The following NUP188 variants were observed in gnomAD, a reference collection of about 807,000 sequenced individuals.
NUP188 encodes the protein nucleoporin 188.
NUP188 carries 97 observed loss-of-function variants against 223.0 expected under a neutral mutation model. That is an observed-to-expected ratio of 0.43 (90% confidence interval 0.37 to 0.51). NUP188 has a LOEUF of 0.51. NUP188 is among the 20% of genes least tolerant of loss of function. The pLI is 0.00. For missense variants in NUP188, 1,947 were observed against 2,175.6 expected, an observed-to-expected ratio of 0.89 and a Z score of 2.09; for synonymous variants, 869 against 828.0, an observed-to-expected ratio of 1.05 and a Z score of -0.85.
chr9:128,959,297 A>T (rs1299008568), intron 8 of NUP188, among the ~76,000 whole-genome samples, 163 bp downstream of exon 8: 1 of 151,968 alleles, frequency 6.6e-6, no homozygotes, highest in African/African-American at 2.4e-5. Context: ...ACCCGTCGTC[A>T]CGCCCAGCCA....
intron 36 of NUP188, 120 bp downstream of exon 36, chr9:129,002,096 G>C: frequency 1.3e-6 from 1 of 760,308 alleles, no homozygotes; most frequent in Non-Finnish European, 2.2e-6. Flanking sequence ...ATACACTGAT[G>C]GTGAGGAATC....
At chr9:128,999,971 C>T (rs1842612045) in intron 34 of NUP188, among the ~76,000 whole-genome samples, 166 bp downstream of exon 34, 1 of 152,206 alleles carries the variant, frequency 6.6e-6, no homozygotes, top group South Asian at 2.1e-4. Flanking sequence ...GCAGAAGCAG[C>T]CCATTGTACT....
Position 128,970,772 on chromosome 9 carries a change from A to T in NUP188, c.927A>T (p.Leu309Phe), listed in dbSNP as rs1842094211. The change falls in exon 11 of 44, where the codon TTA (leucine) becomes TTT (phenylalanine). Residue 309 changes from leucine (L) to phenylalanine (F), a missense_variant. By Grantham distance (22) the Leu-to-Phe change is conservative (BLOSUM62 0). Around this residue, in one of 3 missense-constraint regions of NUP188, gnomAD observed 817 missense variants for 865.8 expected, o/e 0.94. Coordinates refer to ENST00000372577, the MANE Select transcript of NUP188 (RefSeq NM_015354.3). ...TCTCTCACTAGGATATGGACTGTTT[A>T]ATGTTGACCTTTGGGGACATTCCAC... ...DGLICQDMDC[L>F]MLTFGDIPHH... The T allele has an allele frequency of 6.2e-7, 1 of 1,614,094 alleles. No homozygotes were observed. Among genetic ancestry groups the T allele is most frequent in the Non-Finnish European group, 8.5e-7 (1 of 1,179,974 alleles).
intron 12 of NUP188, among the ~76,000 whole-genome samples, chr9:128,974,397 T>G (rs1040560628): frequency 1.0e-4 from 15 of 149,800 alleles, no homozygotes; most frequent in African/African-American, 1.7e-4. Flanking sequence ...TTGTTTTTTT[T>G]TTTTTTTTTT....
chr9:128,947,929 T>G (rs1841711711), intron 1 of NUP188, 178 bp downstream of exon 1: 2 of 452,234 alleles, frequency 4.4e-6, no homozygotes, highest in East Asian at 3.5e-5. Flanking sequence ...CGCGGGGATC[T>G]GAAGAGTCTT....
chr9:128,956,182 G>GGTGTGTGTGT (rs60109270), intron 3 of NUP188, among the ~76,000 whole-genome samples, 168 bp from the exon 4 acceptor site: 11 of 134,728 alleles, frequency 8.2e-5, no homozygotes, highest in African/African-American at 2.6e-4. Flanking sequence ...GAGGTGAATG[G>GGTGTGTGTGT]GTGTGTGTGT....
At chr9:129,001,408 A>G in intron 34 of NUP188, 121 bp from the exon 35 acceptor site, 1 of 800,750 alleles carries the variant, frequency 1.2e-6, no homozygotes, top group South Asian at 1.5e-5. Flanking sequence ...TGTGTTACTC[A>G]AGCTCACTTA....
chr9:128,947,979 G>C, intron 1 of NUP188: 1 of 391,676 alleles, frequency 2.6e-6, no homozygotes, highest in Non-Finnish European at 4.5e-6. Context: ...TTCCCTCCGC[G>C]CTCGGCCTCC....
At chr9:128,996,039 A>T (rs1842519216) in intron 30 of NUP188, among the ~76,000 whole-genome samples, 1 of 152,124 alleles carries the variant, frequency 6.6e-6, no homozygotes, top group South Asian at 2.1e-4. Flanking sequence ...AGAGAGAGAG[A>T]TAACATCTGG....
chr9:128,984,836 T>C lies in NUP188; in HGVS notation c.1962-64T>C, dbSNP rs1268770984. 24 of 1,069,634 alleles carry C rather than the reference T, an allele frequency of 2.2e-5. No individual in the cohort carries two copies. The Admixed American group carries it at 3.2e-4, about 14-fold the overall frequency. 66.3% of individuals were successfully genotyped at this position (1,069,634 alleles called of 1,614,324 possible). A position where few individuals can be genotyped will look rare whatever the true frequency, so the allele number is the denominator to read the frequency against. Reference sequence around the variant, plus strand: ...TCTAGACTATAACAAGAATGCTCTATGATTAGTTTCTTGAAACCTTGAAAT... The same window carrying C: ...TCTAGACTATAACAAGAATGCTCTACGATTAGTTTCTTGAAACCTTGAAAT... On this transcript the variant is annotated intron_variant, in intron 19 of 43. Transcript: ENST00000372577.
chr9:128,970,069 A>AG (rs1315824322), intron 10 of NUP188, among the ~76,000 whole-genome samples: 1 of 152,208 alleles, frequency 6.6e-6, no homozygotes, highest in East Asian at 1.9e-4. Flanking sequence ...CTGGGATTAC[A>AG]GGCACATGCC....
chr9:129,000,110 A>T (rs989975915), intron 34 of NUP188, among the ~76,000 whole-genome samples: 1 of 152,168 alleles, frequency 6.6e-6, no homozygotes, highest in South Asian at 2.1e-4. Flanking sequence ...ATAGGAAATG[A>T]TGTAAGGCTT....
intron 34 of NUP188, 58 bp downstream of exon 34, chr9:128,999,863 T>C: frequency 6.6e-7 from 1 of 1,518,122 alleles, no homozygotes; most frequent in Admixed American, 1.7e-5. Flanking sequence ...GCTCTGTGCC[T>C]GACTCTGGGG....
rs1273491259 is a variant in NUP188 at position 129,006,663 on chromosome 9, G to A, written c.5235G>A (p.Arg1745=). The change falls in exon 44 of 44, where the codon CGG becomes CGA. Residue 1745 remains arginine (R), a synonymous_variant. Coordinates refer to ENST00000372577, the MANE Select transcript of NUP188 (RefSeq NM_015354.3). ...TCCAGTTGGTGCAGGCGTTTGTCCG[G>A]CATATGCAAAGATAGGGCAGTGCTG... The part of the protein sequence containing the change: ...PLIQLVQAFV[R]HMQR The A allele has an allele frequency of 1.8e-5, 29 of 1,613,220 alleles. No individual in the cohort carries two copies. Among genetic ancestry groups the A allele is most frequent in the Non-Finnish European group, 2.4e-5 (28 of 1,179,880 alleles).
chr9:128,958,085 A>T lies in NUP188; in HGVS notation c.372+31A>T, dbSNP rs747510580. On this transcript the variant is annotated intron_variant, in intron 6 of 43. Transcript: ENST00000372577. ...TAGTAGTCACCATTTCTATTCTTTG[A>T]TGTAAAATTGAGTGACAGCTTCTTG... 92 of 1,583,336 alleles carry T rather than the reference A, an allele frequency of 5.8e-5. No homozygotes were observed. In the South Asian group the frequency reaches 7.1e-4, roughly 12 times the overall value.
chr9:128,999,375 C>T, intron 33 of NUP188, 58 bp downstream of exon 33: 1 of 1,590,382 alleles, frequency 6.3e-7, no homozygotes, highest in South Asian at 1.1e-5. Flanking sequence ...TGCTGACAGC[C>T]AGGCAGGGCT....
Position 128,999,608 on chromosome 9 carries a change from C to G in NUP188, c.3662-16C>G. On this transcript the variant is annotated splice_polypyrimidine_tract_variant and intron_variant, in intron 33 of 43. Transcript: ENST00000372577. ...CCTGGTGAGCATGACAGTGTCCCTCCCTGTCTATTCTACAGTAAGTGACAT... is the reference window on the plus strand; with the variant it reads ...CCTGGTGAGCATGACAGTGTCCCTCGCTGTCTATTCTACAGTAAGTGACAT... 4 of 1,607,740 alleles carry G rather than the reference C, an allele frequency of 2.5e-6. No individual in the cohort carries two copies. The South Asian group carries it at 4.4e-5, about 18-fold the overall frequency.
chr9:129,006,171 C>T (rs1160553535), intron 42 of NUP188, 48 bp downstream of exon 42: 5 of 1,613,804 alleles, frequency 3.1e-6, no homozygotes, highest in African/African-American at 1.3e-5. Context: ...CAGTCATGGG[C>T]CCACTGTTCT....
intron 10 of NUP188, among the ~76,000 whole-genome samples, chr9:128,970,463 G>A (rs1842090008): frequency 6.6e-6 from 1 of 152,158 alleles, no homozygotes; most frequent in Non-Finnish European, 1.5e-5. Context: ...TGAAGATAGA[G>A]CATAGAAAGT....
Sources: gnomAD v4.1 joint callset for allele counts (sites outside exome capture counted in the v4.1 genomes callset) on GRCh38, gnomAD v4.1.1 for gene constraint, gnomAD v4.1.1 regional missense constraint, MANE v1.5 for transcripts, NCBI Gene and HGNC (gene_info 2026-07-23, HGNC 2026-07-21) for gene names.